The following PARD3 variants were observed in gnomAD, a reference collection of about 807,000 sequenced individuals.
The protein encoded by PARD3 is par-3 family cell polarity regulator, also known as partitioning defective 3 homolog.
Under a neutral mutation model 155.4 loss-of-function variants are expected in PARD3, and 75 were observed. The observed-to-expected ratio is 0.48, with a 90% CI of 0.40 to 0.58. The LOEUF (loss-of-function observed/expected upper bound fraction) is 0.58. Among genes scored for constraint, PARD3 ranks in the 20% least tolerant of loss-of-function variants. The pLI is 0.00. For synonymous variants in PARD3, 576 were observed against 610.5 expected, an observed-to-expected ratio of 0.94 and a Z score of 0.83; for missense variants, 1,642 against 1,721.7, an observed-to-expected ratio of 0.95 and a Z score of 0.82.
chr10:34,604,352 C>G (rs1287662815), intron 2 of PARD3, among the ~76,000 whole-genome samples: 2 of 152,040 alleles, frequency 1.3e-5, no homozygotes, highest in Non-Finnish European at 2.9e-5. Context: ...AGTCAGCTTC[C>G]AACAAATTTA....
intron 21 of PARD3, among the ~76,000 whole-genome samples, chr10:34,271,514 C>G (rs1955610067): frequency 6.6e-6 from 1 of 152,086 alleles, no homozygotes; most frequent in Admixed American, 6.6e-5. Context: ...CCCATCATGT[C>G]AGAAAACCTT....
At chr10:34,148,865 T>G (rs2132941073) in intron 22 of PARD3, among the ~76,000 whole-genome samples, 1 of 76,872 alleles carries the variant, frequency 1.3e-5, no homozygotes, top group East Asian at 2.6e-4. Context: ...CAGAATCAAG[T>G]TTTTTTTTGT....
At chr10:34,396,625 T>C (rs1843375071) in intron 7 of PARD3, among the ~76,000 whole-genome samples, 1 of 152,178 alleles carries the variant, frequency 6.6e-6, no homozygotes, top group African/African-American at 2.4e-5. Flanking sequence ...TTTATAAAAG[T>C]AAGTATTCAG....
intron 5 of PARD3, among the ~76,000 whole-genome samples, chr10:34,415,819 A>G (rs552818898): frequency 3.3e-5 from 5 of 152,242 alleles, no homozygotes; most frequent in Admixed American, 6.5e-5. Context: ...TTTTACAAGT[A>G]TACCTATTAA....
At chr10:34,115,758 G>A (rs1320337200) in intron 24 of PARD3, among the ~76,000 whole-genome samples, 4 of 150,382 alleles carry the variant, frequency 2.7e-5, no homozygotes, top group African/African-American at 7.3e-5. Flanking sequence ...TGTTGCCCAG[G>A]CTGGAGTGCA....
In PARD3 at chr10:34,214,644, C is replaced by CT. The variant is rs147737579; in HGVS notation, c.3419+55012dup. ...CCAGCCTGGGCAATGTAGCAAGACT[C>CT]TGTCTCTGCAAAAAATAAAAAAAAA... On this transcript the variant is annotated intron_variant, in intron 22 of 24. Coordinates refer to ENST00000374788, the MANE Select transcript of PARD3 (RefSeq NM_001184785.2). Among the ~76,000 whole-genome samples, 387 of 152,156 alleles carry CT rather than the reference C, an allele frequency of 2.5e-3. 1 individual carries two copies. Among genetic ancestry groups the CT allele is most frequent in the African/African-American group, 9.0e-3 (372 of 41,522 alleles).
At chr10:34,355,461 T>C (rs1838694828) in intron 14 of PARD3, among the ~76,000 whole-genome samples, 2 of 152,138 alleles carry the variant, frequency 1.3e-5, no homozygotes, top group African/African-American at 4.8e-5. Flanking sequence ...TGGTGCCTTG[T>C]GAATTAGGTG....
chr10:34,708,397 T>A (rs1397910333), intron 1 of PARD3, among the ~76,000 whole-genome samples: 1 of 152,150 alleles, frequency 6.6e-6, no homozygotes, highest in Non-Finnish European at 1.5e-5. Flanking sequence ...TCAAATTAAG[T>A]TAGGTAATGG....
intron 2 of PARD3, among the ~76,000 whole-genome samples, chr10:34,550,273 G>T (rs1005957652): frequency 1.3e-5 from 2 of 152,136 alleles, no homozygotes; most frequent in African/African-American, 4.8e-5. Flanking sequence ...CCAGGCTGGA[G>T]TGCAGTGGTA....
chr10:34,204,781 A>G (rs1951389203), intron 22 of PARD3, among the ~76,000 whole-genome samples: 1 of 152,212 alleles, frequency 6.6e-6, no homozygotes, highest in South Asian at 2.1e-4. Context: ...AAGATTTTGA[A>G]TTCGTGGTAT....
At chr10:34,542,588 G>T (rs1365054248) in intron 2 of PARD3, among the ~76,000 whole-genome samples, 1 of 152,176 alleles carries the variant, frequency 6.6e-6, no homozygotes, top group African/African-American at 2.4e-5. Flanking sequence ...GATCACTCCT[G>T]TAGAACATAT....
At chr10:34,498,881 G>C (rs1051098041) in intron 3 of PARD3, among the ~76,000 whole-genome samples, 2 of 152,114 alleles carry the variant, frequency 1.3e-5, no homozygotes, top group African/African-American at 4.8e-5. Context: ...GAAAAATAAA[G>C]GTAATGAATC....
At chr10:34,792,793 T>G (rs1002540093) in intron 1 of PARD3, among the ~76,000 whole-genome samples, 7 of 152,260 alleles carry the variant, frequency 4.6e-5, no homozygotes, top group Admixed American at 4.6e-4. Flanking sequence ...AGAAGGAGAC[T>G]GCAGAAATCC....
intron 5 of PARD3, among the ~76,000 whole-genome samples, chr10:34,429,540 C>A (rs1244884824): frequency 1.3e-5 from 2 of 150,084 alleles, no homozygotes; most frequent in African/African-American, 5.0e-5. Flanking sequence ...AGAATACAGC[C>A]CCACTCTAAC....
chr10:34,790,193 G>A (rs1841468887), intron 1 of PARD3, among the ~76,000 whole-genome samples: 1 of 152,150 alleles, frequency 6.6e-6, no homozygotes, highest in Non-Finnish European at 1.5e-5. Flanking sequence ...TACTTGTGGT[G>A]TTCTCAAAGG....
intron 20 of PARD3, among the ~76,000 whole-genome samples, chr10:34,296,046 C>T (rs1032263613): frequency 9.2e-5 from 14 of 152,154 alleles, no homozygotes; most frequent in African/African-American, 2.9e-4. Context: ...CTGGGTTGGG[C>T]AGGGAAGGCT....
At chr10:34,355,941 A>AC (rs1222656259) in intron 14 of PARD3, among the ~76,000 whole-genome samples, 33 of 131,962 alleles carry the variant, frequency 2.5e-4, no homozygotes, top group Middle Eastern at 7.1e-3. Context: ...AAAAAAAAAA[A>AC]AAAAACAAAA....
chr10:34,779,173 G>A (rs1839945438), intron 1 of PARD3, among the ~76,000 whole-genome samples: 1 of 151,990 alleles, frequency 6.6e-6, no homozygotes, highest in African/African-American at 2.4e-5. Flanking sequence ...TAGCCAGGTG[G>A]TGCACACCTG....
intron 2 of PARD3, among the ~76,000 whole-genome samples, chr10:34,619,010 T>C (rs1433155651): frequency 6.6e-6 from 1 of 152,180 alleles, no homozygotes. Context: ...CCTCACTGGA[T>C]GCTCTAGAGT....
Sources: allele counts gnomAD v4.1 joint callset (sites outside exome capture counted in the v4.1 genomes callset), GRCh38; gene constraint gnomAD v4.1.1; transcripts MANE v1.5; gene names NCBI Gene and HGNC (gene_info 2026-07-23, HGNC 2026-07-21).